The following RNF169 variants were observed in gnomAD, a reference collection of about 807,000 sequenced individuals.
RNF169 encodes ring finger protein 169.
In RNF169, 24 loss-of-function variants were observed where a neutral mutation model predicts 53.9. The ratio of observed to expected loss-of-function variants is 0.45; its 90% CI spans 0.32 to 0.63. The LOEUF is 0.63. RNF169 is among the 20% of genes least tolerant of loss of function. RNF169 has a pLI of 0.04. For missense variants in RNF169, 883 were observed against 906.2 expected (o/e 0.97, Z 0.33); for synonymous variants, 396 against 363.5 (o/e 1.09, Z -1.02).
chr11:74,835,709 C>G lies in RNF169; in HGVS notation c.1106C>G (p.Pro369Arg). The G allele has an allele frequency of 6.2e-7, 1 of 1,614,150 alleles. No individual in the cohort carries two copies. The highest frequency in any genetic ancestry group is 8.5e-7 in the Non-Finnish European group (1 of 1,180,028). ...CATAAGCCAGAGCGTTCTGTCAGCC[C>G]TGAGAGCAATGACAGCATCTCCGAA... The part of the protein sequence containing the change: ...SLHKPERSVS[P>R]ESNDSISEEL... The change falls in exon 6 of 6, where the codon CCT becomes CGT. Residue 369 changes from proline (P) to arginine (R), a missense_variant. This residue lies in a region of RNF169 where 219 missense variants were observed against 289.1 expected (regional missense o/e 0.76). Coordinates refer to ENST00000299563, the MANE Select transcript of RNF169 (RefSeq NM_001098638.2).
Position 74,840,105 on chromosome 11 carries a change from C to G in RNF169, c.*3375C>G, listed in dbSNP as rs188193720. 6.6e-6 allele frequency: 1 copy of G among 152,196 alleles called. No homozygotes were observed. The highest frequency in any genetic ancestry group is 1.5e-5 in the Non-Finnish European group (1 of 68,026). 9.4% of individuals were successfully genotyped at this position (152,196 alleles called of 1,614,324 possible). A position where few individuals can be genotyped will look rare whatever the true frequency, so the allele number is the denominator to read the frequency against. The stretch of plus-strand genomic sequence containing the variant: ...CTGGCAAACTGACTAAAATGGGAAG[C>G]TGCCACCGTGCCTGACTCATGTAGC... On this transcript the variant is annotated 3_prime_UTR_variant, in exon 6 of 6. Transcript: ENST00000299563.
In RNF169 at chr11:74,748,921, C is replaced by A; in HGVS notation, c.41C>A (p.Ala14Glu). ...CCGAGTACTCGGGCCTCTTCCGCGG[C>A]GGCAGCAGCCGCTCTGAGTCGGCGG... Reference protein sequence around the residue: ...AGPSTRASSAAAAAALSRRGR... With the variant: ...AGPSTRASSAEAAAALSRRGR... The change falls in exon 1 of 6, where the codon GCG (alanine) becomes GAG (glutamate). Residue 14 changes from alanine to glutamate, a missense_variant. Physicochemically the swap from Ala to Glu is moderately radical, Grantham distance 107. Transcript: ENST00000299563. 1 of 1,446,558 alleles carries A rather than the reference C, an allele frequency of 6.9e-7. No homozygotes were observed. The highest frequency in any genetic ancestry group is 9.2e-7 in the Non-Finnish European group (1 of 1,089,806). The allele number at this position is 1,446,558 out of a possible 1,614,324, so 89.6% of individuals were successfully genotyped here.
Position 74,840,931 on chromosome 11 carries a change from A to G in RNF169, c.*4201A>G, listed in dbSNP as rs1284515672. 6.6e-6 allele frequency: 1 copy of G among 151,900 alleles called. No homozygotes were observed. The highest frequency in any genetic ancestry group is 2.4e-5 in the African/African-American group (1 of 41,352). 9.4% of individuals were successfully genotyped at this position (151,900 alleles called of 1,614,324 possible). On this transcript the variant is annotated 3_prime_UTR_variant, in exon 6 of 6. Coordinates refer to ENST00000299563, the MANE Select transcript of RNF169 (RefSeq NM_001098638.2). ...CCAATGATGGGGATACCCCCAAATG[A>G]TTTAGGAGGTTATTTTATTTTAATA...
intron 1 of RNF169, among the ~76,000 whole-genome samples, chr11:74,777,068 G>GGA: frequency 6.6e-6 from 1 of 152,262 alleles, no homozygotes; most frequent in East Asian, 1.9e-4. Flanking sequence ...TAAGAGACAG[G>GGA]GAGGCCAGTT....
At chr11:74,757,802 AG>A in intron 1 of RNF169, among the ~76,000 whole-genome samples, 1 of 66,998 alleles carries the variant, frequency 1.5e-5, no homozygotes, top group Non-Finnish European at 2.6e-5. Flanking sequence ...TCTTCTTTTG[AG>A]AAGTGTCTGT....
chr11:74,769,535 A>G (rs1034869923), intron 1 of RNF169, among the ~76,000 whole-genome samples: 1 of 152,220 alleles, frequency 6.6e-6, no homozygotes, highest in Non-Finnish European at 1.5e-5. Flanking sequence ...AATGATGCTC[A>G]CATTACAGCA....
intron 4 of RNF169, chr11:74,830,756 TA>T (rs1356211804): frequency 2.6e-5 from 4 of 152,148 alleles, no homozygotes; most frequent in African/African-American, 9.7e-5. Context: ...GGAATATAGA[TA>T]AAAATTCTTC....
rs796451609 is a variant in RNF169, at chr11:74,785,941, CTT to C, written c.503-3668_503-3667del. Among the ~76,000 whole-genome samples, 82 of 130,192 alleles carry C rather than the reference CTT, an allele frequency of 6.3e-4. No homozygotes were observed. The East Asian group carries it at 8.3e-3, about 13-fold the overall frequency. 85.4% of individuals were successfully genotyped at this position (130,192 alleles called of 152,430 possible). ...TGGAACATTATCTTTGTTTTCTTTTCTTTTTTTTTTTTTTTTTTGAGACAGAG... is the reference window on the plus strand; with the variant it reads ...TGGAACATTATCTTTGTTTTCTTTTCTTTTTTTTTTTTTTTTGAGACAGAG... On this transcript the variant is annotated intron_variant, in intron 1 of 5. Coordinates refer to ENST00000299563, the MANE Select transcript of RNF169 (RefSeq NM_001098638.2).
At chr11:74,750,435 C>CA (rs2135296531) in intron 1 of RNF169, among the ~76,000 whole-genome samples, 1 of 152,116 alleles carries the variant, frequency 6.6e-6, no homozygotes, top group African/African-American at 2.4e-5. Flanking sequence ...TATACAAGTG[C>CA]AGCTTCTAGA....
At chr11:74,789,949 G>A (rs1228532118) in intron 2 of RNF169, among the ~76,000 whole-genome samples, 2 of 152,206 alleles carry the variant, frequency 1.3e-5, no homozygotes, top group Non-Finnish European at 2.9e-5. Flanking sequence ...CATGCCAGCT[G>A]CAGTAACTGG....
chr11:74,810,762 A>G (rs1341852008), intron 3 of RNF169, among the ~76,000 whole-genome samples: 1 of 151,656 alleles, frequency 6.6e-6, no homozygotes, highest in Non-Finnish European at 1.5e-5. Context: ...AGGTAGGTTT[A>G]GATACTTAGT....
Position 74,759,218 on chromosome 11 carries a change from A to C in RNF169, c.502+9836A>C, listed in dbSNP as rs1320943277. ...CTTAAGGAGATTTTGGGCTGAGACA[A>C]TGGGGTTTTCTAGATAAACAATCAT... On this transcript the variant is annotated intron_variant, in intron 1 of 5. Coordinates refer to ENST00000299563, the MANE Select transcript of RNF169 (RefSeq NM_001098638.2). Among the ~76,000 whole-genome samples, 23 of 122,592 alleles carry C rather than the reference A, an allele frequency of 1.9e-4. No homozygotes were observed. The South Asian group carries it at 5.2e-3, about 28-fold the overall frequency. The allele number at this position is 122,592 out of a possible 152,430, so 80.4% of individuals were successfully genotyped here.
chr11:74,762,715 A>G (rs2035108110), intron 1 of RNF169, among the ~76,000 whole-genome samples: 2 of 152,272 alleles, frequency 1.3e-5, no homozygotes, highest in East Asian at 3.8e-4. Flanking sequence ...ACTACAAACC[A>G]AAACTGTAAG....
chr11:74,757,072 G>T (rs905266203), intron 1 of RNF169, among the ~76,000 whole-genome samples: 3 of 144,492 alleles, frequency 2.1e-5, no homozygotes, highest in African/African-American at 8.0e-5. Flanking sequence ...ATGTATACAT[G>T]TGCCATGCTG....
At chr11:74,754,632 C>G (rs1591383702) in intron 1 of RNF169, among the ~76,000 whole-genome samples, 1 of 152,072 alleles carries the variant, frequency 6.6e-6, no homozygotes, top group South Asian at 2.1e-4. Flanking sequence ...ACCAGCCTGG[C>G]CAACATGGGG....
intron 2 of RNF169, among the ~76,000 whole-genome samples, chr11:74,797,440 T>C (rs1468058006): frequency 6.6e-6 from 1 of 152,250 alleles, no homozygotes; most frequent in Non-Finnish European, 1.5e-5. Flanking sequence ...TATGTTGTTA[T>C]ACCACAGAAC....
chr11:74,836,262 A>T lies in RNF169; in HGVS notation c.1659A>T (p.Ser553=). 1 of 1,614,220 alleles carries T rather than the reference A, an allele frequency of 6.2e-7. No homozygotes were observed. The change falls in exon 6 of 6, where the codon TCA becomes TCT. Residue 553 remains serine (S), a synonymous_variant. Coordinates refer to ENST00000299563, the MANE Select transcript of RNF169 (RefSeq NM_001098638.2). ...GGGAGCAGTTTGAGGGGTTAGGGTC[A>T]ACTCCAGATGCCAAGTTAGACAAAA... ...LEREQFEGLG[S]TPDAKLDKTC... is the part of the protein sequence containing the mutation.
At chr11:74,811,461 C>A (rs1228866293) in intron 3 of RNF169, among the ~76,000 whole-genome samples, 1 of 152,066 alleles carries the variant, frequency 6.6e-6, no homozygotes, top group African/African-American at 2.4e-5. Context: ...TCTTGAACTC[C>A]TGGGTTCAAG....
chr11:74,834,051 T>C (rs1394223642), intron 4 of RNF169, among the ~76,000 whole-genome samples: 2 of 152,244 alleles, frequency 1.3e-5, no homozygotes, highest in African/African-American at 2.4e-5. Flanking sequence ...TATGCTATAG[T>C]GTAGTGGACT....
Sources: gnomAD v4.1 joint callset for allele counts (sites outside exome capture counted in the v4.1 genomes callset) on GRCh38, gnomAD v4.1.1 for gene constraint, gnomAD v4.1.1 regional missense constraint, MANE v1.5 for transcripts, NCBI Gene and HGNC (gene_info 2026-07-23, HGNC 2026-07-21) for gene names.